The following EML2 variants were observed in gnomAD, a reference collection of about 807,000 sequenced individuals.
EML2 encodes the protein EMAP like 2.
In EML2, 59 loss-of-function variants were observed where a neutral mutation model predicts 84.7. That is an observed-to-expected ratio of 0.70 (90% CI 0.56 to 0.86). The LOEUF is 0.86. Among genes scored for constraint, EML2 ranks in the 40% least tolerant of loss-of-function variants. The probability of loss-of-function intolerance (pLI) is 0.00; values close to 1 mark genes in which losing one functional copy is unlikely to be tolerated. For synonymous variants in EML2, 352 were observed against 348.9 expected (o/e 1.01, Z -0.10); for missense variants, 818 against 855.6 (o/e 0.96, Z 0.55).
chr19:45,616,825 C>T lies in EML2; in HGVS notation c.1351G>A (p.Asp451Asn). 1 of 1,613,358 alleles carries T rather than the reference C, an allele frequency of 6.2e-7. No individual in the cohort carries two copies. Among genetic ancestry groups the T allele is most frequent in the Non-Finnish European group, 8.5e-7 (1 of 1,179,926 alleles). ...RWLLLDTETH[D>N]LVAIHTDGNE... ...CCGTCTGTGTGGATAGCCACCAGGT[C>T]ATGGGTCTCCGTGTCCAGCAGCAGC... Residue 451 changes from aspartate to asparagine, a missense_variant, in exon 14 of 19, where the codon GAC becomes AAC. Coordinates refer to ENST00000245925, the MANE Select transcript of EML2 (RefSeq NM_012155.4).
upstream of EML2, chr19:45,642,153 G>A (rs1974585087): frequency 1.3e-6 from 2 of 1,514,238 alleles, no homozygotes; most frequent in African/African-American, 1.4e-5. Context: ...TGGTGCCTAA[G>A]CGCGGAGGCG....
At chr19:45,621,659 G>A (rs751020993) in intron 9 of EML2, 22 bp from the exon 10 acceptor site, 1 of 1,601,044 alleles carries the variant, frequency 6.2e-7, no homozygotes, top group South Asian at 1.1e-5. Flanking sequence ...CCAGGGGCAG[G>A]GTCAACAGGG....
upstream of EML2, chr19:45,645,356 C>T (rs1023200190): frequency 1.0e-5 from 16 of 1,529,148 alleles, no homozygotes; most frequent in African/African-American, 1.4e-5. Context: ...ACCACAGCCA[C>T]CGCCGGCCCC....
chr19:45,645,022 G>T, upstream of EML2: 1 of 573,978 alleles, frequency 1.7e-6, no homozygotes, highest in Non-Finnish European at 3.1e-6. Flanking sequence ...AGGTTCCTTC[G>T]GGTTCTGCCC....
Position 45,638,643 on chromosome 19 carries a change from A to T in EML2, c.50-9T>A. On this transcript the variant is annotated splice_polypyrimidine_tract_variant and intron_variant, in intron 2 of 18. Transcript: ENST00000245925. Reference sequence around the variant, plus strand: ...TTTCACGGAGCCATCCTCTGCCAGGACACCCCCAGAGGTCAGGCACTGACA... The same window carrying T: ...TTTCACGGAGCCATCCTCTGCCAGGTCACCCCCAGAGGTCAGGCACTGACA... The T allele has an allele frequency of 1.2e-6, 2 of 1,613,338 alleles. No individual in the cohort carries two copies. Among genetic ancestry groups the T allele is most frequent in the Middle Eastern group, 1.7e-4 (1 of 6,058 alleles).
rs2122619338 is a variant in EML2, at chr19:45,615,874, T to C, written c.1525A>G (p.Ile509Val). 6.2e-7 allele frequency: 1 copy of C among 1,613,562 alleles called. No individual in the cohort carries two copies. Among genetic ancestry groups the C allele is most frequent in the East Asian group, 2.2e-5 (1 of 44,854 alleles). Reference protein sequence around the residue: ...LGKCSGHSSFITHLDWAQDSS... With the variant: ...LGKCSGHSSFVTHLDWAQDSS... Reference sequence around the variant, plus strand: ...TCCTGGGCCCAATCCAGGTGGGTGATAAAACTGGAATGGCCCTGCGGGGGA... The same window carrying C: ...TCCTGGGCCCAATCCAGGTGGGTGACAAAACTGGAATGGCCCTGCGGGGGA... Residue 509 changes from isoleucine (I) to valine (V), a missense_variant, in exon 16 of 19, where the codon ATC becomes GTC. By Grantham distance (29) the Ile-to-Val change is conservative (BLOSUM62 3). Transcript: ENST00000245925.
chr19:45,638,859 A>T lies in EML2; in HGVS notation c.35T>A (p.Val12Asp). 1 of 1,613,602 alleles carries T rather than the reference A, an allele frequency of 6.2e-7. No homozygotes were observed. The change falls in exon 2 of 19, where the codon GTT becomes GAT. Residue 12 changes from valine (V) to aspartate (D), a missense_variant. By Grantham distance (152) the Val-to-Asp change is radical. Coordinates refer to ENST00000245925, the MANE Select transcript of EML2 (RefSeq NM_012155.4). ...TCCCCACTCACCCACACTGAAGATA[A>T]CTTCTTTGGTTTTGCTGTCAGGAAA... is the stretch of plus-strand genomic sequence containing the variant. ...SSFGAGKTKE[V>D]IFSVEDGSVK...
intron 15 of EML2, 171 bp from the exon 16 acceptor site, chr19:45,616,060 T>A (rs915121514): frequency 1.8e-5 from 11 of 625,094 alleles, no homozygotes; most frequent in African/African-American, 1.5e-4. Context: ...GCCAGAATAC[T>A]GTGGGCGGGG....
In EML2 at chr19:45,629,931, G is replaced by T. The variant is rs766912869; in HGVS notation, c.606+20C>A. 2.3e-5 allele frequency: 36 copies of T among 1,594,906 alleles called. No homozygotes were observed. Among genetic ancestry groups the T allele is most frequent in the Non-Finnish European group, 2.8e-5 (33 of 1,162,944 alleles). ...CCCACAGTGGCACCCAGCAGGAGGG[G>T]ATGAGAAAAGTCACCTCACCTTGAC... On this transcript the variant is annotated intron_variant, in intron 7 of 18. Coordinates refer to ENST00000245925, the MANE Select transcript of EML2 (RefSeq NM_012155.4).
rs1973461721 is a variant in EML2 at position 45,634,411 on chromosome 19, T to C, written c.240A>G (p.Ile80Met). 1.2e-6 allele frequency: 2 copies of C among 1,614,072 alleles called. No individual in the cohort carries two copies. The highest frequency in any genetic ancestry group is 1.7e-6 in the Non-Finnish European group (2 of 1,179,982). The change falls in exon 4 of 19, where the codon ATA becomes ATG. Residue 80 changes from isoleucine (I) to methionine (M), a missense_variant. Physicochemically the swap from Ile to Met is conservative, Grantham distance 10. Transcript: ENST00000245925. The part of the protein sequence containing the change: ...ANLYLLPTGE[I>M]VYFVASVAVL... ...CGGCTACGGAGGCCACAAAGTACAC[T>C]ATCTCCCCGGTGGGCAGCAAATAAA...
rs564065126 is a variant in EML2, at chr19:45,618,200, A to G, written c.1255-503T>C. 2.2e-3 allele frequency among the ~76,000 whole-genome samples: 326 copies of G among 150,246 alleles called. 2 individuals carry two copies. Among genetic ancestry groups the G allele is most frequent in the Non-Finnish European group, 3.6e-3 (245 of 67,718 alleles). On this transcript the variant is annotated intron_variant, in intron 12 of 18. Coordinates refer to ENST00000245925, the MANE Select transcript of EML2 (RefSeq NM_012155.4). ...TGGCTCAGCCTCCCAAGTAGCTGAC[A>G]TTACAGGCGCCCACCACCACGCCCG...
intron 3 of EML2, among the ~76,000 whole-genome samples, chr19:45,637,662 CTTTTCTTT>C (rs1973907150): frequency 2.2e-5 from 1 of 45,800 alleles, no homozygotes; most frequent in Non-Finnish European, 5.1e-5. Flanking sequence ...TTTTCTTTTT[CTTTTCTTT>C]TTTTTTTTTT....
At chr19:45,616,691 C>T in intron 14 of EML2, 74 bp downstream of exon 14, 2 of 1,469,438 alleles carry the variant, frequency 1.4e-6, no homozygotes, top group Non-Finnish European at 1.9e-6. Flanking sequence ...CAGGCTCCAC[C>T]CCTCCCCCTG....
At chr19:45,641,790 A>T, upstream of EML2, 1 of 1,531,814 alleles carries the variant, frequency 6.5e-7, no homozygotes, top group Non-Finnish European at 8.7e-7. Flanking sequence ...CTTCTAGGCC[A>T]GCAGGCGAGT....
At position 45,609,567 on chromosome 19, in the gene EML2, T is replaced by A; in HGVS notation, c.*96A>T. ...CTCCCGCCCCCATAACCCCCTCTGC[T>A]ATAGACATACTCTGGGTATATATTA... is the stretch of plus-strand genomic sequence containing the variant. On this transcript the variant is annotated 3_prime_UTR_variant, in exon 19 of 19. Transcript: ENST00000245925. 51 of 1,073,880 alleles carry A rather than the reference T, an allele frequency of 4.7e-5. No individual in the cohort carries two copies. The highest frequency in any genetic ancestry group is 7.1e-5 in the East Asian group (2 of 28,144). 66.5% of individuals were successfully genotyped at this position (1,073,880 alleles called of 1,614,324 possible). A position where few individuals can be genotyped will look rare whatever the true frequency, so the allele number is the denominator to read the frequency against.
chr19:45,642,636 C>A, upstream of EML2: 2 of 829,092 alleles, frequency 2.4e-6, no homozygotes, highest in South Asian at 3.2e-5. Context: ...GTCTGTGAAC[C>A]CAGGAGCCTC....
chr19:45,642,955 C>T (rs1974701598), upstream of EML2: 1 of 141,964 alleles, frequency 7.0e-6, no homozygotes, highest in African/African-American at 2.6e-5. Flanking sequence ...CACTGCACTC[C>T]AGCCTGGCCA....
chr19:45,637,667 C>CTTTTTTT (rs58180181), intron 3 of EML2, among the ~76,000 whole-genome samples: 17 of 48,916 alleles, frequency 3.5e-4, no homozygotes, highest in South Asian at 7.6e-4. Flanking sequence ...TTTTTCTTTT[C>CTTTTTTT]TTTTTTTTTT....
rs1970821256 is a variant in EML2, at chr19:45,614,613, C to G, written c.1685G>C (p.Gly562Ala). The G allele has an allele frequency of 6.2e-7, 1 of 1,613,944 alleles. No individual in the cohort carries two copies. The highest frequency in any genetic ancestry group is 8.5e-7 in the Non-Finnish European group (1 of 1,179,866). ...WATATCVLGF[G>A]VFGIWSEGAD... ...CTCATTCCAGAACTCACCAAACACCCCAAACCCTAGGACACAAGTAGCTGT... is the reference window on the plus strand; with the variant it reads ...CTCATTCCAGAACTCACCAAACACCGCAAACCCTAGGACACAAGTAGCTGT... The change falls in exon 17 of 19, where the codon GGG becomes GCG. Residue 562 changes from glycine (G) to alanine (A), a missense_variant. By Grantham distance (60) the Gly-to-Ala change is moderately conservative (BLOSUM62 0). Coordinates refer to ENST00000245925, the MANE Select transcript of EML2 (RefSeq NM_012155.4).
Sources: allele counts gnomAD v4.1 joint callset (sites outside exome capture counted in the v4.1 genomes callset), GRCh38; gene constraint gnomAD v4.1.1; transcripts MANE v1.5; gene names NCBI Gene and HGNC (gene_info 2026-07-23, HGNC 2026-07-21).